The following RFX3 variants were observed in gnomAD, a reference collection of about 807,000 sequenced individuals.
The protein encoded by RFX3 is transcription factor RFX3.
In RFX3, 14 loss-of-function variants were observed where a neutral mutation model predicts 98.6. The ratio of observed to expected loss-of-function variants is 0.14; its 90% CI spans 0.09 to 0.22. RFX3 has a LOEUF of 0.22. Ranked by LOEUF, RFX3 falls within the 10% of genes least tolerant of loss-of-function variation. The probability of loss-of-function intolerance (pLI) is 1.00; values close to 1 mark genes in which losing one functional copy is unlikely to be tolerated. For missense variants in RFX3, 639 were observed against 926.9 expected, an observed-to-expected ratio of 0.69 and a Z score of 4.03; for synonymous variants, 383 against 328.4, an observed-to-expected ratio of 1.17 and a Z score of -1.80.
chr9:3,491,372 C>T (rs10113926), intron 1 of RFX3, among the ~76,000 whole-genome samples: 29,364 of 152,038 alleles, frequency 0.19, 5,012 homozygotes, highest in East Asian at 0.57. Context: ...CATATTATTA[C>T]ATTTTCTTAC....
chr9:3,497,322 A>G (rs890299602), intron 1 of RFX3, among the ~76,000 whole-genome samples: 1 of 152,018 alleles, frequency 6.6e-6, no homozygotes, highest in Non-Finnish European at 1.5e-5. Context: ...TCTTCTCTAA[A>G]TAAGCAAACA....
chr9:3,265,322 G>T lies in RFX3; in HGVS notation c.1455+886C>A, dbSNP rs142105352. Among the ~76,000 whole-genome samples, 68 of 152,254 alleles carry T rather than the reference G, an allele frequency of 4.5e-4. No homozygotes were observed. The East Asian group carries it at 0.01, about 22-fold the overall frequency. The stretch of plus-strand genomic sequence containing the variant: ...AATATGGGCACATCAATGAAATGTT[G>T]CCTTCTATATGTTTTAGAGAGAGAA... On this transcript the variant is annotated intron_variant, in intron 12 of 16. Transcript: ENST00000617270.
chr9:3,499,753 A>G (rs1244324544), intron 1 of RFX3, among the ~76,000 whole-genome samples: 1 of 152,154 alleles, frequency 6.6e-6, no homozygotes, highest in African/African-American at 2.4e-5. Context: ...ATAAAATACC[A>G]AAGACCACAC....
At chr9:3,496,146 T>C (rs1851092665) in intron 1 of RFX3, among the ~76,000 whole-genome samples, 2 of 152,114 alleles carry the variant, frequency 1.3e-5, no homozygotes, top group South Asian at 4.1e-4. Context: ...CATACAGATT[T>C]TTACACGGAA....
chr9:3,396,262 T>C (rs905211285), intron 1 of RFX3, among the ~76,000 whole-genome samples: 6 of 152,002 alleles, frequency 3.9e-5, no homozygotes, highest in Middle Eastern at 3.2e-3. Flanking sequence ...CATTGTTCAA[T>C]TCCCACCTAT....
intron 1 of RFX3, among the ~76,000 whole-genome samples, chr9:3,464,216 T>C (rs1276169743): frequency 1.3e-5 from 2 of 152,184 alleles, no homozygotes; most frequent in Non-Finnish European, 2.9e-5. Context: ...GAAAACAGTT[T>C]GGCAGTTACT....
At chr9:3,279,541 AC>A (rs1825665293) in intron 7 of RFX3, among the ~76,000 whole-genome samples, 1 of 151,846 alleles carries the variant, frequency 6.6e-6, no homozygotes, top group Non-Finnish European at 1.5e-5. Context: ...TCTTTGTCCT[AC>A]AAAGCATTTA....
chr9:3,452,960 A>C (rs1326611103), intron 1 of RFX3, among the ~76,000 whole-genome samples: 4 of 152,174 alleles, frequency 2.6e-5, no homozygotes, highest in Non-Finnish European at 5.9e-5. Context: ...ATACCATAGC[A>C]GTCTTGGAAT....
chr9:3,351,501 G>T (rs1320201146), intron 2 of RFX3, among the ~76,000 whole-genome samples: 7 of 151,820 alleles, frequency 4.6e-5, no homozygotes. Flanking sequence ...AACAAAGACA[G>T]TTTAGGACAA....
intron 1 of RFX3, among the ~76,000 whole-genome samples, chr9:3,440,113 A>G (rs1016772886): frequency 6.6e-6 from 1 of 152,068 alleles, no homozygotes; most frequent in African/African-American, 2.4e-5. Flanking sequence ...TTTTCCATCT[A>G]TTAAAGAAAT....
intron 2 of RFX3, among the ~76,000 whole-genome samples, chr9:3,348,479 T>C (rs1834707110): frequency 6.6e-6 from 1 of 151,338 alleles, no homozygotes; most frequent in Non-Finnish European, 1.5e-5. Flanking sequence ...TTATGTTAAA[T>C]AATAAAGGTT....
chr9:3,376,455 T>C (rs1008813023), intron 2 of RFX3, among the ~76,000 whole-genome samples: 4 of 152,310 alleles, frequency 2.6e-5, no homozygotes, highest in East Asian at 3.8e-4. Context: ...AATATTGGTA[T>C]AATGAAACAT....
In RFX3 at chr9:3,459,627, A is replaced by T. The variant is rs373085726; in HGVS notation, c.-8-64031T>A. On this transcript the variant is annotated intron_variant, in intron 1 of 16. Coordinates refer to ENST00000617270, the MANE Select transcript of RFX3 (RefSeq NM_001282116.2). ...ACAATACTTATTTATATAACTTTAC[A>T]TTTCCATAGACATACTCATGAGAGT... Among the ~76,000 whole-genome samples the T allele has an allele frequency of 2.7e-4, 41 of 152,230 alleles. 1 individual carries two copies. Among genetic ancestry groups the T allele is most frequent in the African/African-American group, 9.4e-4 (39 of 41,554 alleles).
intron 15 of RFX3, among the ~76,000 whole-genome samples, chr9:3,232,771 TGAGAGAGA>T (rs36070658): frequency 4.5e-5 from 6 of 132,308 alleles, no homozygotes; most frequent in Admixed American, 7.7e-5. Context: ...GTTTAGAATC[TGAGAGAGA>T]GAGAGAGAGA....
chr9:3,221,904 A>G lies in RFX3; in HGVS notation c.*3138T>C, dbSNP rs1301450261. 1.3e-5 allele frequency: 2 copies of G among 152,140 alleles called. No homozygotes were observed. Among genetic ancestry groups the G allele is most frequent in the African/African-American group, 4.8e-5 (2 of 41,452 alleles). 9.4% of individuals were successfully genotyped at this position (152,140 alleles called of 1,614,324 possible). ...GACTTGGTTTATGTAGGTATATTTC[A>G]TGACTAGTGATTGGTTATAATTGCA... On this transcript the variant is annotated 3_prime_UTR_variant, in exon 17 of 17. Transcript: ENST00000617270.
intron 6 of RFX3, among the ~76,000 whole-genome samples, chr9:3,288,901 G>A (rs574044994): frequency 3.9e-5 from 6 of 152,080 alleles, no homozygotes; most frequent in Middle Eastern, 3.4e-3. Flanking sequence ...TAGTTTTGCA[G>A]GCTAAACAGG....
intron 4 of RFX3, among the ~76,000 whole-genome samples, chr9:3,328,392 A>G (rs570463468): frequency 2.2e-4 from 34 of 152,310 alleles, no homozygotes; most frequent in Middle Eastern, 6.8e-3. Context: ...GAAATCATTT[A>G]GTCTAACTAA....
chr9:3,224,351 TG>T lies in RFX3; in HGVS notation c.*690del, dbSNP rs1230702203. On this transcript the variant is annotated 3_prime_UTR_variant, in exon 17 of 17. Coordinates refer to ENST00000617270, the MANE Select transcript of RFX3 (RefSeq NM_001282116.2). The stretch of plus-strand genomic sequence containing the variant: ...TTAACGGAAGCTTGCATTGTTAACA[TG>T]GTTTAATAATTATGTACACAAATTA... 1 of 152,190 alleles carries T rather than the reference TG, an allele frequency of 6.6e-6. No individual in the cohort carries two copies. The highest frequency in any genetic ancestry group is 1.5e-5 in the Non-Finnish European group (1 of 68,038). The allele number at this position is 152,190 out of a possible 1,614,324, so 9.4% of individuals were successfully genotyped here.
At chr9:3,498,792 G>T (rs1851291529) in intron 1 of RFX3, among the ~76,000 whole-genome samples, 2 of 151,978 alleles carry the variant, frequency 1.3e-5, no homozygotes, top group Admixed American at 6.6e-5. Flanking sequence ...TGTACCTCTT[G>T]CTTTATTATT....
Sources: gnomAD v4.1 joint callset for allele counts (sites outside exome capture counted in the v4.1 genomes callset) on GRCh38, gnomAD v4.1.1 for gene constraint, MANE v1.5 for transcripts, NCBI Gene and HGNC (gene_info 2026-07-23, HGNC 2026-07-21) for gene names.